PPP1R37: variants seen among roughly 807,000 people sequenced by gnomAD.
The protein encoded by PPP1R37 is leucine rich repeat containing 68.
A neutral mutation model predicts 61.0 loss-of-function variants in PPP1R37; 21 were observed. The ratio of observed to expected loss-of-function variants is 0.34; its 90% confidence interval spans 0.24 to 0.50. PPP1R37 has a LOEUF of 0.50. Among genes scored for constraint, PPP1R37 ranks in the 20% least tolerant of loss-of-function variants. PPP1R37 has a pLI of 0.98. For missense variants in PPP1R37, 910 were observed against 952.7 expected (o/e 0.96, Z 0.59); for synonymous variants, 443 against 433.5 (o/e 1.02, Z -0.27).
rs1568436934 is a variant in PPP1R37, at chr19:45,093,324, C to G, written c.-2C>G. ...GGCCCCCGTGAGGAGGCGGCGGCGG[C>G]TATGGAGATCGCGCCGCAGGAGGCG... On this transcript the variant is annotated 5_prime_UTR_variant, in exon 1 of 13. Coordinates refer to ENST00000221462, the MANE Select transcript of PPP1R37 (RefSeq NM_019121.2). The G allele has an allele frequency of 2.0e-6, 3 of 1,464,348 alleles. No homozygotes were observed. The highest frequency in any genetic ancestry group is 2.7e-6 in the Non-Finnish European group (3 of 1,114,036). 90.7% of individuals were successfully genotyped at this position (1,464,348 alleles called of 1,614,324 possible).
intron 1 of PPP1R37, among the ~76,000 whole-genome samples, chr19:45,112,390 T>C (rs1441755945): frequency 8.4e-6 from 1 of 119,544 alleles, no homozygotes; most frequent in Non-Finnish European, 1.9e-5. Context: ...CTGGTCATAG[T>C]TGATGAGTAC....
intron 1 of PPP1R37, among the ~76,000 whole-genome samples, chr19:45,094,312 C>T (rs866947065): frequency 5.9e-4 from 90 of 152,140 alleles, no homozygotes; most frequent in African/African-American, 2.0e-3. Flanking sequence ...GAAAAGCCAA[C>T]GCCTACCGCC....
intron 1 of PPP1R37, among the ~76,000 whole-genome samples, chr19:45,104,772 C>T (rs1290341394): frequency 6.6e-6 from 1 of 152,150 alleles, no homozygotes; most frequent in East Asian, 1.9e-4. Flanking sequence ...CGGCCACGAC[C>T]GAGATCACCT....
At chr19:45,129,104 T>G (rs1230910487) in intron 1 of PPP1R37, 1 of 574,730 alleles carries the variant, frequency 1.7e-6, no homozygotes, top group Admixed American at 2.3e-5. Flanking sequence ...TCTGGCCTTC[T>G]GTAGGCTGGA....
chr19:45,097,046 C>T (rs1381778239), intron 1 of PPP1R37, among the ~76,000 whole-genome samples: 2 of 152,000 alleles, frequency 1.3e-5, no homozygotes, highest in Non-Finnish European at 2.9e-5. Context: ...GAGTGGTTCA[C>T]TGGCCATGGG....
rs189476797 is a variant in PPP1R37, at chr19:45,120,292, G to C, written c.203-18222G>C. 4.9e-4 allele frequency among the ~76,000 whole-genome samples: 75 copies of C among 152,260 alleles called. No individual in the cohort carries two copies. The South Asian group carries it at 5.2e-3, about 11-fold the overall frequency. On this transcript the variant is annotated intron_variant, in intron 1 of 12. Coordinates refer to ENST00000221462, the MANE Select transcript of PPP1R37 (RefSeq NM_019121.2). ...TTAGCCTCCCAAAGTGCTGGGATTA[G>C]AGGCGTGAGCCACCGCACCCGGCTT... is the stretch of plus-strand genomic sequence containing the variant.
intron 1 of PPP1R37, among the ~76,000 whole-genome samples, chr19:45,124,227 C>A (rs1024298724): frequency 6.6e-5 from 10 of 152,148 alleles, no homozygotes; most frequent in Non-Finnish European, 1.3e-4. Context: ...CTGGAGAAGG[C>A]ATCCCTAAGC....
intron 1 of PPP1R37, among the ~76,000 whole-genome samples, chr19:45,095,883 T>G (rs536606411): frequency 6.6e-6 from 1 of 151,952 alleles, no homozygotes; most frequent in African/African-American, 2.4e-5. Context: ...GGCTATTGCG[T>G]GATATCCAGT....
chr19:45,133,783 G>A (rs1391708149), intron 1 of PPP1R37, among the ~76,000 whole-genome samples: 2 of 152,182 alleles, frequency 1.3e-5, no homozygotes, highest in Non-Finnish European at 2.9e-5. Context: ...GGCATCACAT[G>A]ACCTTTTCCA....
Position 45,146,558 on chromosome 19 carries a change from T to C in PPP1R37, c.*9-13T>C. ...GGCTCTGACAGTCTCTCCCCCAATC[T>C]CTCCTCCCCAAGTTCCCTTTTTCCG... On this transcript the variant is annotated splice_polypyrimidine_tract_variant and intron_variant, in intron 12 of 12. Coordinates refer to ENST00000221462, the MANE Select transcript of PPP1R37 (RefSeq NM_019121.2). 1 of 1,057,606 alleles carries C rather than the reference T, an allele frequency of 9.5e-7. No homozygotes were observed. The highest frequency in any genetic ancestry group is 1.4e-6 in the Non-Finnish European group (1 of 724,590). The allele number at this position is 1,057,606 out of a possible 1,614,324, so 65.5% of individuals were successfully genotyped here.
chr19:45,106,826 T>C (rs2122714794), intron 1 of PPP1R37, among the ~76,000 whole-genome samples: 1 of 131,468 alleles, frequency 7.6e-6, no homozygotes, highest in Admixed American at 7.4e-5. Flanking sequence ...TTTTTTTTTT[T>C]TTTTTTTTGA....
At chr19:45,096,770 T>A (rs1453597832) in intron 1 of PPP1R37, among the ~76,000 whole-genome samples, 5 of 152,012 alleles carry the variant, frequency 3.3e-5, no homozygotes, top group African/African-American at 4.8e-5. Flanking sequence ...AAGGTCTGGT[T>A]GGGACTCACA....
In PPP1R37 at chr19:45,146,769, A is replaced by C; in HGVS notation, c.*207A>C. Reference sequence around the variant, plus strand: ...GCGCGTGACTCAAGCACTTCTATTTATGAGCCCAGCACTGGAAGACTCTGG... The same window carrying C: ...GCGCGTGACTCAAGCACTTCTATTTCTGAGCCCAGCACTGGAAGACTCTGG... On this transcript the variant is annotated 3_prime_UTR_variant, in exon 13 of 13. Transcript: ENST00000221462. The C allele has an allele frequency of 5.9e-6, 2 of 339,436 alleles. No homozygotes were observed. The highest frequency in any genetic ancestry group is 1.1e-5 in the Non-Finnish European group (2 of 175,890). 21.0% of individuals were successfully genotyped at this position (339,436 alleles called of 1,614,324 possible).
intron 1 of PPP1R37, among the ~76,000 whole-genome samples, chr19:45,131,550 A>G (rs921270351): frequency 6.6e-6 from 1 of 152,200 alleles, no homozygotes. Context: ...TAGTTATGCC[A>G]GCATCATAGG....
At chr19:45,105,111 G>A (rs184813582) in intron 1 of PPP1R37, among the ~76,000 whole-genome samples, 162 of 152,276 alleles carry the variant, frequency 1.1e-3, no homozygotes, top group African/African-American at 3.3e-3. Context: ...GGGCAGGAGC[G>A]CAATATGGCA....
intron 1 of PPP1R37, among the ~76,000 whole-genome samples, chr19:45,119,087 C>G (rs1185258234): frequency 1.3e-5 from 2 of 152,032 alleles, no homozygotes; most frequent in African/African-American, 4.8e-5. Flanking sequence ...CTCCTGGGTT[C>G]AAGCGATTCT....
intron 1 of PPP1R37, among the ~76,000 whole-genome samples, chr19:45,117,198 CCATTG>C (rs1252130451): frequency 9.2e-5 from 14 of 152,196 alleles, no homozygotes; most frequent in Middle Eastern, 6.8e-3. Context: ...CAGGTGTGAG[CCATTG>C]CGCCTGGCCA....
Position 45,114,906 on chromosome 19 carries a change from G to T in PPP1R37, c.202+21379G>T, listed in dbSNP as rs572280033. Among the ~76,000 whole-genome samples the T allele has an allele frequency of 9.9e-5, 15 of 152,276 alleles. No individual in the cohort carries two copies. In the East Asian group the frequency reaches 2.9e-3, roughly 29 times the overall value. On this transcript the variant is annotated intron_variant, in intron 1 of 12. Transcript: ENST00000221462. ...GCTCCTTCCAGCTGGGGGGCTTATG[G>T]AGGCCATAAAGGAACCCCCTAACTC...
intron 1 of PPP1R37, among the ~76,000 whole-genome samples, chr19:45,111,749 G>A (rs1233845473): frequency 1.3e-5 from 2 of 150,564 alleles, no homozygotes; most frequent in Non-Finnish European, 3.0e-5. Context: ...TGTTGTCATT[G>A]TCATTCTGTG....
Sources: allele counts gnomAD v4.1 joint callset (sites outside exome capture counted in the v4.1 genomes callset), GRCh38; gene constraint gnomAD v4.1.1; transcripts MANE v1.5; gene names NCBI Gene and HGNC (gene_info 2026-07-23, HGNC 2026-07-21).